ANKRD29: variants seen among roughly 807,000 people sequenced by gnomAD.
ANKRD29 encodes ankyrin repeat domain-containing protein 29.
A neutral mutation model predicts 38.0 loss-of-function variants in ANKRD29; 32 were observed. The ratio of observed to expected loss-of-function variants is 0.84; its 90% CI spans 0.64 to 1.13. ANKRD29 has a LOEUF of 1.13. Ranked by LOEUF, ANKRD29 falls within the 50% of genes most tolerant of loss-of-function variation. ANKRD29 has a pLI of 0.00. For synonymous variants in ANKRD29, 135 were observed against 152.4 expected, an observed-to-expected ratio of 0.89 and a Z score of 0.84; for missense variants, 357 against 377.9, an observed-to-expected ratio of 0.94 and a Z score of 0.46.
intron 6 of ANKRD29, among the ~76,000 whole-genome samples, chr18:23,625,101 A>G (rs535207066): frequency 9.1e-4 from 139 of 152,288 alleles, no homozygotes; most frequent in Non-Finnish European, 1.7e-3. Flanking sequence ...GACCAATTCT[A>G]TTTGAAGTTG....
chr18:23,608,612 T>G (rs752592289), intron 9 of ANKRD29, among the ~76,000 whole-genome samples: 2 of 152,176 alleles, frequency 1.3e-5, no homozygotes, highest in Non-Finnish European at 2.9e-5. Context: ...ACTGAGGAAA[T>G]TAAGACAGTG....
intron 1 of ANKRD29, among the ~76,000 whole-genome samples, chr18:23,659,210 G>A (rs556129408): frequency 1.2e-4 from 19 of 152,126 alleles, no homozygotes; most frequent in African/African-American, 4.6e-4. Flanking sequence ...TTAAACTCCC[G>A]ACTTCAGGTG....
At chr18:23,633,380 A>T (rs2059957993) in intron 5 of ANKRD29, among the ~76,000 whole-genome samples, 1 of 152,150 alleles carries the variant, frequency 6.6e-6, no homozygotes, top group Non-Finnish European at 1.5e-5. Flanking sequence ...TTTATATCCA[A>T]TGAGCGCATT....
At chr18:23,660,732 G>A (rs1372466327) in intron 1 of ANKRD29, among the ~76,000 whole-genome samples, 1 of 152,214 alleles carries the variant, frequency 6.6e-6, no homozygotes, top group Non-Finnish European at 1.5e-5. Context: ...GCTTGAACCC[G>A]AGAGGCAGAG....
At chr18:23,623,246 T>C (rs2059818203) in intron 6 of ANKRD29, among the ~76,000 whole-genome samples, 1 of 152,124 alleles carries the variant, frequency 6.6e-6, no homozygotes, top group Non-Finnish European at 1.5e-5. Flanking sequence ...TGTGAGCAGG[T>C]AGGAATGAGT....
At chr18:23,619,765 C>A in intron 6 of ANKRD29, 136 bp from the exon 7 acceptor site, 1 of 658,784 alleles carries the variant, frequency 1.5e-6, no homozygotes, top group Non-Finnish European at 2.5e-6. Context: ...CACTCTGCAG[C>A]TGATCCACAC....
chr18:23,633,140 C>T (rs2059955116), intron 5 of ANKRD29, among the ~76,000 whole-genome samples: 1 of 152,158 alleles, frequency 6.6e-6, no homozygotes, highest in South Asian at 2.1e-4. Context: ...TAATGTTTGC[C>T]ATAAATCCTA....
At chr18:23,633,038 A>ATAAT (rs2059953989) in intron 5 of ANKRD29, among the ~76,000 whole-genome samples, 2 of 152,338 alleles carry the variant, frequency 1.3e-5, no homozygotes, top group African/African-American at 4.8e-5. Flanking sequence ...CGGTTCCTAG[A>ATAAT]TAATTGGAAG....
At chr18:23,653,378 G>A (rs2091178436) in intron 1 of ANKRD29, among the ~76,000 whole-genome samples, 2 of 151,772 alleles carry the variant, frequency 1.3e-5, no homozygotes, top group South Asian at 4.2e-4. Context: ...AGCCTCCTGA[G>A]TAGCTGGGAT....
intron 6 of ANKRD29, among the ~76,000 whole-genome samples, chr18:23,626,469 A>G (rs2059863684): frequency 6.6e-6 from 1 of 152,250 alleles, no homozygotes; most frequent in Admixed American, 6.5e-5. Flanking sequence ...CCACTCAGCT[A>G]GTGATTAAAA....
chr18:23,604,751 G>A (rs560270778), intron 9 of ANKRD29, among the ~76,000 whole-genome samples: 300 of 151,976 alleles, frequency 2.0e-3, no homozygotes, highest in Non-Finnish European at 3.5e-3. Flanking sequence ...GGATGGTCTC[G>A]ATTTCTTGAC....
chr18:23,611,609 T>C (rs897349374), intron 9 of ANKRD29, among the ~76,000 whole-genome samples: 1 of 152,038 alleles, frequency 6.6e-6, no homozygotes, highest in East Asian at 1.9e-4. Flanking sequence ...TGCTTGAAGC[T>C]GGGAGGTGGA....
At position 23,661,577 on chromosome 18, in the gene ANKRD29, G is replaced by A. The variant is rs1185984800; in HGVS notation, c.21+1133C>T. ...GAAAAAATTAGCTGGGCATGGTGGCGCACGCCTGTAATCCCAGCTACTCTG... is the reference window on the plus strand; with the variant it reads ...GAAAAAATTAGCTGGGCATGGTGGCACACGCCTGTAATCCCAGCTACTCTG... On this transcript the variant is annotated intron_variant, in intron 1 of 9. Coordinates refer to ENST00000592179, the MANE Select transcript of ANKRD29 (RefSeq NM_173505.4). Among the ~76,000 whole-genome samples the A allele has an allele frequency of 3.9e-5, 6 of 152,198 alleles. No individual in the cohort carries two copies. The East Asian group carries it at 1.2e-3, about 29-fold the overall frequency.
At chr18:23,661,018 G>A (rs916699844) in intron 1 of ANKRD29, among the ~76,000 whole-genome samples, 6 of 152,176 alleles carry the variant, frequency 3.9e-5, no homozygotes, top group Non-Finnish European at 1.5e-5. Context: ...TGATTTCCCT[G>A]TGGCATTAAT....
At chr18:23,633,790 C>T (rs1314219135) in intron 5 of ANKRD29, among the ~76,000 whole-genome samples, 2 of 152,036 alleles carry the variant, frequency 1.3e-5, no homozygotes, top group African/African-American at 2.4e-5. Flanking sequence ...AGGCTGGTCT[C>T]GAACTCCTGA....
chr18:23,649,227 T>G, intron 1 of ANKRD29, 34 bp from the exon 2 acceptor site: 3 of 1,523,970 alleles, frequency 2.0e-6, no homozygotes, highest in Non-Finnish European at 2.7e-6. Context: ...ATCTTAAAAT[T>G]GATGTCAGTT....
intron 1 of ANKRD29, among the ~76,000 whole-genome samples, chr18:23,661,724 T>C (rs545787508): frequency 1.3e-5 from 2 of 152,228 alleles, no homozygotes; most frequent in South Asian, 4.1e-4. Context: ...AAAAAAACTT[T>C]AAAGTCATTC....
chr18:23,625,061 A>G (rs1242818175), intron 6 of ANKRD29, among the ~76,000 whole-genome samples: 2 of 152,214 alleles, frequency 1.3e-5, no homozygotes, highest in Non-Finnish European at 2.9e-5. Context: ...ACTTCTACCT[A>G]CAGGGTTAGG....
intron 8 of ANKRD29, among the ~76,000 whole-genome samples, chr18:23,615,307 CTGT>C (rs1425667960): frequency 6.6e-6 from 1 of 152,080 alleles, no homozygotes; most frequent in East Asian, 1.9e-4. Flanking sequence ...TGCACTCAGA[CTGT>C]TTTTACATTT....
Sources: allele counts gnomAD v4.1 joint callset (sites outside exome capture counted in the v4.1 genomes callset), GRCh38; gene constraint gnomAD v4.1.1; transcripts MANE v1.5; gene names NCBI Gene and HGNC (gene_info 2026-07-23, HGNC 2026-07-21).